The following AFM variants were observed in gnomAD, a reference collection of about 807,000 sequenced individuals.
AFM encodes the protein afamin.
In AFM, 82 loss-of-function variants were observed where a neutral mutation model predicts 68.7. The ratio of observed to expected loss-of-function variants is 1.19; its 90% CI spans 1.00 to 1.43. The LOEUF (loss-of-function observed/expected upper bound fraction) is 1.43. AFM is among the 40% of genes most tolerant of loss of function. The pLI, the probability that AFM is intolerant of heterozygous loss-of-function variation, is 0.00. For synonymous variants in AFM, 250 were observed against 234.2 expected (o/e 1.07, Z -0.61); for missense variants, 772 against 701.8 (o/e 1.10, Z -1.13).
chr4:73,486,612 A>G (rs1228084150), intron 4 of AFM, among the ~76,000 whole-genome samples: 1 of 152,178 alleles, frequency 6.6e-6, no homozygotes, highest in African/African-American at 2.4e-5. Flanking sequence ...CATGGAAGAG[A>G]GAACTGCTGA....
chr4:73,488,053 G>T (rs540796047), intron 6 of AFM, among the ~76,000 whole-genome samples: 1 of 152,012 alleles, frequency 6.6e-6, no homozygotes, highest in Non-Finnish European at 1.5e-5. Context: ...GACATATTTA[G>T]GTTAATTGAG....
intron 3 of AFM, among the ~76,000 whole-genome samples, chr4:73,485,599 A>C (rs141715732): frequency 0.024 from 3,418 of 144,852 alleles, 59 homozygotes; most frequent in South Asian, 0.055. Context: ...GAGAAGAGGA[A>C]GAGGAAGAGG....
chr4:73,481,972 C>T, intron 1 of AFM, 109 bp downstream of exon 1: 1 of 778,708 alleles, frequency 1.3e-6, no homozygotes, highest in Non-Finnish European at 2.1e-6. Flanking sequence ...TTTTCACCCT[C>T]TCACTAATTT....
intron 8 of AFM, among the ~76,000 whole-genome samples, chr4:73,493,489 G>A (rs778367074): frequency 2.9e-4 from 44 of 152,310 alleles, no homozygotes; most frequent in Non-Finnish European, 5.6e-4. Context: ...TGTAGCTCTG[G>A]AAGGGAATCT....
At chr4:73,496,606 G>C (rs964047068) in intron 9 of AFM, among the ~76,000 whole-genome samples, 3 of 152,094 alleles carry the variant, frequency 2.0e-5, no homozygotes, top group African/African-American at 7.2e-5. Flanking sequence ...ATTGCACATG[G>C]AAATTAACTT....
In AFM at chr4:73,498,264, T is replaced by C. The variant is rs560200861; in HGVS notation, c.1289+515T>C. Reference sequence around the variant, plus strand: ...ATTATTATGTCAATGTATTTTATTATCATTATTATTATTGTTATTATTATC... The same window carrying C: ...ATTATTATGTCAATGTATTTTATTACCATTATTATTATTGTTATTATTATC... On this transcript the variant is annotated intron_variant, in intron 10 of 14. Coordinates refer to ENST00000226355, the MANE Select transcript of AFM (RefSeq NM_001133.2). 7.9e-5 allele frequency among the ~76,000 whole-genome samples: 12 copies of C among 151,798 alleles called. No individual in the cohort carries two copies. The South Asian group carries it at 2.3e-3, about 29-fold the overall frequency.
At position 73,484,419 on chromosome 4, in the gene AFM, T is replaced by G. The variant is rs201561379; in HGVS notation, c.270+29T>G. On this transcript the variant is annotated intron_variant, in intron 3 of 14. Transcript: ENST00000226355. ...AGTAAATTGCTTGTGTTTCTTTTCC[T>G]TTTATCTTATGTCTTTCTTTCTCTT... 1,003 of 1,462,018 alleles carry G rather than the reference T, an allele frequency of 6.9e-4. 1 individual carries two copies. Among genetic ancestry groups the G allele is most frequent in the Admixed American group, 9.2e-4 (40 of 43,248 alleles). 90.6% of individuals were successfully genotyped at this position (1,462,018 alleles called of 1,614,324 possible). A position where few individuals can be genotyped will look rare whatever the true frequency, so the allele number is the denominator to read the frequency against.
intron 11 of AFM, 40 bp from the exon 12 acceptor site, chr4:73,499,964 T>G: frequency 3.2e-6 from 5 of 1,543,204 alleles, no homozygotes; most frequent in Non-Finnish European, 4.5e-6. Context: ...TCCATTCAAG[T>G]TTTAAGATCG....
intron 9 of AFM, among the ~76,000 whole-genome samples, chr4:73,497,021 C>G (rs1721277760): frequency 6.6e-6 from 1 of 152,082 alleles, no homozygotes; most frequent in African/African-American, 2.4e-5. Flanking sequence ...AATCATAGCG[C>G]TAGAAAATTC....
At chr4:73,487,565 G>A (rs185769477) in intron 5 of AFM, among the ~76,000 whole-genome samples, 159 bp from the exon 6 acceptor site, 3 of 152,132 alleles carry the variant, frequency 2.0e-5, no homozygotes, top group Admixed American at 1.3e-4. Context: ...TGCCGTAAGT[G>A]CATATTTCTT....
Position 73,483,918 on chromosome 4 carries a change from AC to A in AFM, c.89-21del, listed in dbSNP as rs370431081. On this transcript the variant is annotated intron_variant, in intron 1 of 14. Transcript: ENST00000226355. ...TGTTAGAAAACCATGCTATGTAATA[AC>A]CTAAATATTCTTGCTTTTCAGAGAA... 64 of 1,500,446 alleles carry A rather than the reference AC, an allele frequency of 4.3e-5. No individual in the cohort carries two copies. In the African/African-American group the frequency reaches 8.3e-4, roughly 19 times the overall value. 92.9% of individuals were successfully genotyped at this position (1,500,446 alleles called of 1,614,324 possible).
At chr4:73,499,016 G>A (rs1314404839) in intron 10 of AFM, 98 bp from the exon 11 acceptor site, 5 of 1,298,198 alleles carry the variant, frequency 3.9e-6, no homozygotes, top group South Asian at 1.7e-5. Flanking sequence ...ACCTATATTG[G>A]TTGTCGCTAG....
chr4:73,503,356 A>T (rs981760043), intron 14 of AFM, among the ~76,000 whole-genome samples: 7 of 152,118 alleles, frequency 4.6e-5, no homozygotes, highest in Non-Finnish European at 1.0e-4. Flanking sequence ...CTAGATAACC[A>T]AGAGGCGCTT....
At position 73,485,901 on chromosome 4, in the gene AFM, C is replaced by G; in HGVS notation, c.310C>G (p.Leu104Val). Residue 104 changes from leucine to valine, a missense_variant, in exon 4 of 15, where the codon CTG becomes GTG. Transcript: ENST00000226355. Reference protein sequence around the residue: ...LQEKICAMEGLPQKHNFSHCC... With the variant: ...LQEKICAMEGVPQKHNFSHCC... ...GGAAAAAATATGTGCTATGGAGGGG[C>G]TGCCACAAAAGCATAATTTCTCACA... The G allele has an allele frequency of 1.2e-6, 2 of 1,614,022 alleles. No homozygotes were observed. The highest frequency in any genetic ancestry group is 1.7e-6 in the Non-Finnish European group (2 of 1,179,966).
chr4:73,489,447 T>C (rs1303535407), intron 7 of AFM, among the ~76,000 whole-genome samples: 5 of 152,206 alleles, frequency 3.3e-5, no homozygotes, highest in African/African-American at 4.8e-5. Context: ...CATTGTGGAA[T>C]GTCTAAATCA....
Position 73,497,736 on chromosome 4 carries a change from G to T in AFM, c.1276G>T (p.Gly426Cys). Residue 426 changes from glycine to cysteine, a missense_variant, in exon 10 of 15, where the codon GGT becomes TGT. Gly to Cys is a radical substitution (Grantham distance 159). Transcript: ENST00000226355. ...CKHFQNLGKDGLKYHYLIRLT... is the reference protein window; with the variant it reads ...CKHFQNLGKDCLKYHYLIRLT... ...ACATTTCCAGAATTTGGGGAAGGAT[G>T]GTTTGAAATACCAGTATGTTGTTTG... 1.3e-6 allele frequency: 2 copies of T among 1,598,784 alleles called. No homozygotes were observed. Among genetic ancestry groups the T allele is most frequent in the South Asian group, 1.1e-5 (1 of 89,712 alleles).
intron 1 of AFM, among the ~76,000 whole-genome samples, chr4:73,483,535 C>T (rs539422073): frequency 1.3e-5 from 2 of 152,190 alleles, no homozygotes; most frequent in South Asian, 4.1e-4. Context: ...TGCTGACCAC[C>T]AGCATGCTAC....
In AFM at chr4:73,500,201, T is replaced by C. The variant is rs760548287; in HGVS notation, c.1620T>C (p.Asn540=). 1.2e-6 allele frequency: 2 copies of C among 1,613,368 alleles called. No homozygotes were observed. Among genetic ancestry groups the C allele is most frequent in the Non-Finnish European group, 1.7e-6 (2 of 1,179,664 alleles). The change falls in exon 12 of 15, where the codon AAT becomes AAC. Residue 540 remains asparagine (N), a synonymous_variant. Transcript: ENST00000226355. ...TFHADMCQSQ[N]EELQRKTDRF... ...ACGCAGACATGTGTCAATCTCAGAA[T>C]GAGGAGCTTCAGAGGAAGACAGACA...
intron 7 of AFM, among the ~76,000 whole-genome samples, chr4:73,490,785 T>G (rs1333456166): frequency 3.3e-5 from 5 of 152,158 alleles, no homozygotes; most frequent in Non-Finnish European, 5.9e-5. Context: ...TGAATTACAG[T>G]TAACTGAAAA....
Sources: gnomAD v4.1 joint callset for allele counts (sites outside exome capture counted in the v4.1 genomes callset) on GRCh38, gnomAD v4.1.1 for gene constraint, MANE v1.5 for transcripts, NCBI Gene and HGNC (gene_info 2026-07-23, HGNC 2026-07-21) for gene names.